Variants in TRIM2 observed in about 807,000 individuals in gnomAD.
TRIM2 encodes tripartite motif containing 2.
A neutral mutation model predicts 75.2 loss-of-function variants in TRIM2; 20 were observed. The ratio of observed to expected loss-of-function variants is 0.27; its 90% CI spans 0.19 to 0.39. TRIM2 has a LOEUF of 0.39. Among genes scored for constraint, TRIM2 ranks in the 10% least tolerant of loss-of-function variants. The pLI is 1.00. For synonymous variants in TRIM2, 373 were observed against 388.3 expected (o/e 0.96, Z 0.46); for missense variants, 660 against 990.8 (o/e 0.67, Z 4.48).
At chr4:153,252,695 T>C (rs1751155615) in intron 1 of TRIM2, among the ~76,000 whole-genome samples, 1 of 152,146 alleles carries the variant, frequency 6.6e-6, no homozygotes, top group Non-Finnish European at 1.5e-5. Flanking sequence ...GTTTTATTAG[T>C]GACGGGGTTT....
intron 1 of TRIM2, among the ~76,000 whole-genome samples, chr4:153,247,502 C>T (rs980614031): frequency 2.0e-5 from 3 of 151,956 alleles, no homozygotes; most frequent in African/African-American, 7.3e-5. Context: ...ATGCCAAAAC[C>T]CCGTCTCTAC....
intron 1 of TRIM2, among the ~76,000 whole-genome samples, chr4:153,197,052 A>G (rs377494538): frequency 1.7e-4 from 26 of 152,348 alleles, no homozygotes; most frequent in African/African-American, 5.3e-4. Context: ...GTTTGGAAAG[A>G]CAGAAGTCCA....
chr4:153,283,861 C>CTTTCTTTTTTTTTTTTTTTTT (rs1759943929), intron 3 of TRIM2, among the ~76,000 whole-genome samples: 1 of 53,256 alleles, frequency 1.9e-5, no homozygotes, highest in African/African-American at 8.5e-5. Context: ...TGGCCTTGAT[C>CTTTCTTTTTTTTTTTTTTTTT]TTTTTTTTTT....
intron 1 of TRIM2, among the ~76,000 whole-genome samples, chr4:153,164,586 C>T (rs940397650): frequency 6.6e-6 from 1 of 152,200 alleles, no homozygotes; most frequent in African/African-American, 2.4e-5. Context: ...AAGTCTCTTT[C>T]CTACCCTGGT....
At chr4:153,259,002 C>T (rs115648688) in intron 1 of TRIM2, among the ~76,000 whole-genome samples, 1,853 of 152,282 alleles carry the variant, frequency 0.012, 24 homozygotes, top group African/African-American at 0.043. Context: ...GATGCAGAGA[C>T]AGGAGTAGTA....
chr4:153,199,241 T>A (rs542237767), intron 1 of TRIM2, among the ~76,000 whole-genome samples: 54 of 152,342 alleles, frequency 3.5e-4, no homozygotes, highest in Admixed American at 7.2e-4. Context: ...TCCTCCTCGT[T>A]GTCAGTTCAT....
At chr4:153,317,855 G>T (rs1296198515) in intron 8 of TRIM2, among the ~76,000 whole-genome samples, 1 of 152,132 alleles carries the variant, frequency 6.6e-6, no homozygotes, top group Admixed American at 6.5e-5. Context: ...AGCCACTTGG[G>T]AGGCTGAGGT....
At chr4:153,229,168 C>A (rs4696442) in intron 1 of TRIM2, among the ~76,000 whole-genome samples, 1,653 of 152,262 alleles carry the variant, frequency 0.011, 22 homozygotes, top group Non-Finnish European at 0.019. Context: ...CAAAGAAATT[C>A]GATTTCTTAG....
At chr4:153,189,770 T>A (rs765475958) in intron 1 of TRIM2, among the ~76,000 whole-genome samples, 2 of 152,226 alleles carry the variant, frequency 1.3e-5, no homozygotes, top group African/African-American at 4.8e-5. Context: ...AATGAATCAG[T>A]AACAATAGCA....
chr4:153,206,562 A>C lies in TRIM2; in HGVS notation c.30+2002A>C, dbSNP rs73857426. On this transcript the variant is annotated intron_variant, in intron 1 of 11. Coordinates refer to ENST00000338700, the MANE Select transcript of TRIM2 (RefSeq NM_015271.5). ...ACTCTCCCAGCGTCTCCATGTGTTC[A>C]GCTATCCAGAAGCCCTCCAGACCCG... 3.3e-3 allele frequency among the ~76,000 whole-genome samples: 506 copies of C among 152,194 alleles called. 1 individual carries two copies. The highest frequency in any genetic ancestry group is 0.012 in the African/African-American group (485 of 41,544).
intron 1 of TRIM2, among the ~76,000 whole-genome samples, chr4:153,165,894 T>G (rs1307357072): frequency 6.6e-6 from 1 of 152,200 alleles, no homozygotes; most frequent in Non-Finnish European, 1.5e-5. Flanking sequence ...ACTTGGCTCT[T>G]TTAAATATGG....
intron 3 of TRIM2, among the ~76,000 whole-genome samples, chr4:153,279,380 C>T (rs556108216): frequency 2.2e-4 from 34 of 152,164 alleles, no homozygotes; most frequent in African/African-American, 8.0e-4. Context: ...CAAGTTCCTG[C>T]CCTACAATGC....
At chr4:153,198,429 G>A (rs977487998) in intron 1 of TRIM2, among the ~76,000 whole-genome samples, 9 of 152,116 alleles carry the variant, frequency 5.9e-5, no homozygotes, top group African/African-American at 1.9e-4. Flanking sequence ...ATTCTCTCTT[G>A]CTGCCACCAT....
chr4:153,163,793 T>C (rs367652740), intron 1 of TRIM2, among the ~76,000 whole-genome samples: 815 of 126,074 alleles, frequency 6.5e-3, no homozygotes, highest in East Asian at 0.02. Context: ...TGAGCCACCG[T>C]GCTCAGCCGA....
chr4:153,215,523 T>C (rs888519188), intron 1 of TRIM2, among the ~76,000 whole-genome samples: 5 of 152,076 alleles, frequency 3.3e-5, no homozygotes, highest in African/African-American at 4.8e-5. Context: ...AAAACTACAT[T>C]AGGGAGGGGT....
Position 153,270,393 on chromosome 4 carries a change from G to C in TRIM2, c.89G>C (p.Ser30Thr). 1 of 1,614,072 alleles carries C rather than the reference G, an allele frequency of 6.2e-7. No homozygotes were observed. Among genetic ancestry groups the C allele is most frequent in the South Asian group, 1.1e-5 (1 of 91,034 alleles). Residue 30 changes from serine (S) to threonine (T), a missense_variant, in exon 2 of 12, where the codon AGT becomes ACT. This residue lies in a region of TRIM2 where 620 missense variants were observed against 891.0 expected (regional missense o/e 0.70). Coordinates refer to ENST00000338700, the MANE Select transcript of TRIM2 (RefSeq NM_015271.5). ...GPPCQWSRMA[S>T]EGTNIPSPVV... The stretch of plus-strand genomic sequence containing the variant: ...CCATGTCAGTGGTCTAGGATGGCCA[G>C]TGAAGGCACCAACATCCCAAGTCCT...
chr4:153,270,667 A>C (rs1756456804), intron 2 of TRIM2, 148 bp downstream of exon 2: 6 of 689,570 alleles, frequency 8.7e-6, no homozygotes, highest in Non-Finnish European at 1.3e-5. Context: ...CAGAATCATG[A>C]GTTGCAAATA....
rs994646812 is a variant in TRIM2, at chr4:153,244,377, T to C, written c.31-25958T>C. Among the ~76,000 whole-genome samples the C allele has an allele frequency of 4.6e-4, 29 of 63,464 alleles. 5 individuals are homozygous for C. Among genetic ancestry groups the C allele is most frequent in the African/African-American group, 3.0e-3 (24 of 7,880 alleles). The allele number at this position is 63,464 out of a possible 152,430, so 41.6% of individuals were successfully genotyped here. On this transcript the variant is annotated intron_variant, in intron 1 of 11. Coordinates refer to ENST00000338700, the MANE Select transcript of TRIM2 (RefSeq NM_015271.5). Reference sequence around the variant, plus strand: ...TTCCTCTTCTTCTTCTTCTTCTTCTTCTTCTTCTTCTTCTTCTTCTTCTTC... The same window carrying C: ...TTCCTCTTCTTCTTCTTCTTCTTCTCCTTCTTCTTCTTCTTCTTCTTCTTC...
chr4:153,289,033 G>A (rs1022403119), intron 3 of TRIM2, among the ~76,000 whole-genome samples: 1 of 152,044 alleles, frequency 6.6e-6, no homozygotes, highest in Non-Finnish European at 1.5e-5. Context: ...GAGCATATAT[G>A]AAAGAGTTAA....
Sources: gnomAD v4.1 joint callset for allele counts (sites outside exome capture counted in the v4.1 genomes callset) on GRCh38, gnomAD v4.1.1 for gene constraint, gnomAD v4.1.1 regional missense constraint, MANE v1.5 for transcripts, NCBI Gene and HGNC (gene_info 2026-07-23, HGNC 2026-07-21) for gene names.